LEPR: variants seen among roughly 807,000 people sequenced by gnomAD.
The protein encoded by LEPR is OB receptor.
A neutral mutation model predicts 114.7 loss-of-function variants in LEPR; 56 were observed. The observed-to-expected ratio is 0.49, with a 90% CI of 0.39 to 0.61. LEPR has a LOEUF of 0.61. LEPR is among the 20% of genes least tolerant of loss of function. The pLI is 0.00. For missense variants in LEPR, 1,202 were observed against 1,352.9 expected (o/e 0.89, Z 1.75); for synonymous variants, 443 against 461.4 (o/e 0.96, Z 0.51).
chr1:65,628,638 G>A (rs1485080142), intron 19 of LEPR, among the ~76,000 whole-genome samples: 1 of 152,054 alleles, frequency 6.6e-6, no homozygotes, highest in African/African-American at 2.4e-5. Flanking sequence ...CACACATTTG[G>A]ACTGGTCTGT....
At chr1:65,432,067 AG>A (rs201723526) in intron 2 of LEPR, 25,777 of 1,358,578 alleles carry the variant, frequency 0.019, 560 homozygotes, top group South Asian at 0.096. Flanking sequence ...AGACTTCATA[AG>A]TAGGAGATGA....
chr1:65,474,778 C>T (rs1022120607), intron 2 of LEPR, among the ~76,000 whole-genome samples: 5 of 151,880 alleles, frequency 3.3e-5, no homozygotes, highest in African/African-American at 7.3e-5. Flanking sequence ...GAGGCCGAGG[C>T]GGGCAGATCA....
chr1:65,614,511 A>G (rs1402887923), intron 14 of LEPR, among the ~76,000 whole-genome samples: 2 of 152,198 alleles, frequency 1.3e-5, no homozygotes, highest in Non-Finnish European at 2.9e-5. Context: ...GAAACTGTAC[A>G]TAAGCACTGT....
chr1:65,478,554 T>C (rs536335244), intron 2 of LEPR, among the ~76,000 whole-genome samples: 8 of 152,322 alleles, frequency 5.3e-5, no homozygotes, highest in South Asian at 2.1e-4. Context: ...TTCCTATGCT[T>C]GCTCGTCTGC....
chr1:65,623,119 A>G, intron 19 of LEPR, 138 bp downstream of exon 19: 1 of 862,304 alleles, frequency 1.2e-6, no homozygotes, highest in East Asian at 2.7e-5. Flanking sequence ...CTGTTATTAT[A>G]TACTTTCAAG....
chr1:65,424,880 T>G (rs1646328510), intron 1 of LEPR, among the ~76,000 whole-genome samples: 1 of 152,084 alleles, frequency 6.6e-6, no homozygotes, highest in Non-Finnish European at 1.5e-5. Flanking sequence ...CTCCCAAAGG[T>G]CCACCTCCTG....
intron 5 of LEPR, among the ~76,000 whole-genome samples, chr1:65,585,198 A>C (rs532007497): frequency 6.6e-6 from 1 of 152,176 alleles, no homozygotes; most frequent in African/African-American, 2.4e-5. Context: ...TAGATTACCA[A>C]TCTGAAATTT....
chr1:65,453,809 A>C (rs1396123464), intron 2 of LEPR, among the ~76,000 whole-genome samples: 1 of 152,092 alleles, frequency 6.6e-6, no homozygotes, highest in Non-Finnish European at 1.5e-5. Flanking sequence ...CGCTTGGTGC[A>C]GAGCTGAGTT....
intron 2 of LEPR, among the ~76,000 whole-genome samples, chr1:65,549,429 G>A (rs1353695391): frequency 2.6e-5 from 4 of 152,144 alleles, no homozygotes; most frequent in Non-Finnish European, 4.4e-5. Context: ...CATTCTCCAA[G>A]TTGGTCACTT....
chr1:65,462,425 G>T (rs1646957349), intron 2 of LEPR, among the ~76,000 whole-genome samples: 1 of 152,208 alleles, frequency 6.6e-6, no homozygotes, highest in African/African-American at 2.4e-5. Context: ...TTGGTTCCAA[G>T]TCTTTGCTAT....
At chr1:65,604,139 C>CT (rs1656648945) in intron 10 of LEPR, among the ~76,000 whole-genome samples, 1 of 152,016 alleles carries the variant, frequency 6.6e-6, no homozygotes, top group South Asian at 2.1e-4. Flanking sequence ...GGTTCTGTCT[C>CT]TAACTGGATC....
chr1:65,495,285 G>T (rs1454411864), intron 2 of LEPR, among the ~76,000 whole-genome samples: 2 of 152,142 alleles, frequency 1.3e-5, no homozygotes, highest in Non-Finnish European at 2.9e-5. Flanking sequence ...ATGGCCAACA[G>T]ATGGAAGAAA....
At chr1:65,480,618 A>C (rs759894482) in intron 2 of LEPR, among the ~76,000 whole-genome samples, 20 of 152,198 alleles carry the variant, frequency 1.3e-4, no homozygotes, top group Non-Finnish European at 2.4e-4. Context: ...AAGGCAGAGG[A>C]AATTTATAGG....
chr1:65,627,014 TCCA>T (rs1242826051), intron 19 of LEPR, among the ~76,000 whole-genome samples: 1 of 152,164 alleles, frequency 6.6e-6, no homozygotes, highest in East Asian at 1.9e-4. Flanking sequence ...AAATTTACCA[TCCA>T]CCCTATGTTT....
chr1:65,443,217 GTATCA>G (rs1245038051), intron 2 of LEPR, among the ~76,000 whole-genome samples: 1 of 151,968 alleles, frequency 6.6e-6, no homozygotes, highest in Non-Finnish European at 1.5e-5. Context: ...TAAAAGATCA[GTATCA>G]AAAAAATCAA....
Position 65,618,090 on chromosome 1 carries a change from A to G in LEPR, c.2339A>G (p.Asp780Gly). The change falls in exon 16 of 20, where the codon GAT becomes GGT. Residue 780 changes from aspartate (D) to glycine (G), a missense_variant. Asp to Gly is a moderately conservative substitution (Grantham distance 94, BLOSUM62 -1). Transcript: ENST00000349533. Reference protein sequence around the residue: ...FIIEWKNLNEDGEIKWLRISS... With the variant: ...FIIEWKNLNEGGEIKWLRISS... ...ATTGAGTGGAAAAATCTTAATGAAG[A>G]TGGTGAAATAAAATGGCTTAGAATC... The G allele has an allele frequency of 1.2e-6, 2 of 1,611,508 alleles. No homozygotes were observed. Among genetic ancestry groups the G allele is most frequent in the Non-Finnish European group, 8.5e-7 (1 of 1,178,908 alleles).
intron 2 of LEPR, among the ~76,000 whole-genome samples, chr1:65,541,684 A>C (rs558773449): frequency 5.9e-5 from 9 of 152,308 alleles, no homozygotes; most frequent in African/African-American, 2.2e-4. Flanking sequence ...ATACTTGAAG[A>C]AATAGTGTTT....
At chr1:65,636,110 C>A in intron 19 of LEPR, 81 bp from the exon 20 acceptor site, 1 of 1,472,724 alleles carries the variant, frequency 6.8e-7, no homozygotes, top group Non-Finnish European at 9.5e-7. Flanking sequence ...TAACTTAACA[C>A]ACTTCCATTT....
rs1357531807 is a variant in LEPR, at chr1:65,621,279, T to C, written c.2492-74T>C. The C allele has an allele frequency of 5.4e-6, 7 of 1,288,294 alleles. No individual in the cohort carries two copies. The African/African-American group carries it at 7.4e-5, about 14-fold the overall frequency. The allele number at this position is 1,288,294 out of a possible 1,614,324, so 79.8% of individuals were successfully genotyped here. ...TGTGATGAATTCAGAAAATGTCTAC[T>C]ATAATTTTTGATACAGAAAGAAATT... On this transcript the variant is annotated intron_variant, in intron 17 of 19. Coordinates refer to ENST00000349533, the MANE Select transcript of LEPR (RefSeq NM_002303.6).
Sources: gnomAD v4.1 joint callset for allele counts (sites outside exome capture counted in the v4.1 genomes callset) on GRCh38, gnomAD v4.1.1 for gene constraint, MANE v1.5 for transcripts, NCBI Gene and HGNC (gene_info 2026-07-23, HGNC 2026-07-21) for gene names.